LAT2: variants seen among roughly 807,000 people sequenced by gnomAD.
LAT2 encodes the protein linker for activation of T cells family member 2, also known as linker for activation of T-cells family member 2.
A neutral mutation model predicts 43.4 loss-of-function variants in LAT2; 23 were observed. That is an observed-to-expected ratio of 0.53 (90% CI 0.38 to 0.75). The LOEUF (loss-of-function observed/expected upper bound fraction) is 0.75. Among genes scored for constraint, LAT2 ranks in the 30% least tolerant of loss-of-function variants. The pLI, the probability that LAT2 is intolerant of heterozygous loss-of-function variation, is 0.00. For missense variants in LAT2, 284 were observed against 310.2 expected, an observed-to-expected ratio of 0.92 and a Z score of 0.64; for synonymous variants, 128 against 123.2, an observed-to-expected ratio of 1.04 and a Z score of -0.26.
At chr7:74,228,598 A>T (rs1347813418) in intron 13 of LAT2, among the ~76,000 whole-genome samples, 2 of 149,762 alleles carry the variant, frequency 1.3e-5, no homozygotes, top group African/African-American at 4.9e-5. Flanking sequence ...ATCCTGGCTA[A>T]CATGGTGAAA....
chr7:74,216,953 C>A, intron 4 of LAT2, 89 bp downstream of exon 4: 1 of 1,124,294 alleles, frequency 8.9e-7, no homozygotes, highest in South Asian at 1.3e-5. Context: ...CCATCCTTCA[C>A]CCCTTCACTC....
chr7:74,211,824 T>C (rs1801746476), intron 1 of LAT2, among the ~76,000 whole-genome samples: 1 of 151,810 alleles, frequency 6.6e-6, no homozygotes, highest in African/African-American at 2.4e-5. Context: ...ACTCCTGACC[T>C]CAGATGATTT....
At chr7:74,219,899 G>A in intron 5 of LAT2, 61 bp from the exon 6 acceptor site, 5 of 1,612,096 alleles carry the variant, frequency 3.1e-6, no homozygotes, top group Non-Finnish European at 4.2e-6. Flanking sequence ...GGGGGATGAT[G>A]GGGTGAGGGG....
intron 10 of LAT2, among the ~76,000 whole-genome samples, chr7:74,222,059 A>T (rs1185196726): frequency 6.7e-6 from 1 of 150,060 alleles, no homozygotes; most frequent in Non-Finnish European, 1.5e-5. Flanking sequence ...GCCACCAGAA[A>T]CCTGGTCGCT....
At chr7:74,223,553 C>T (rs182754535) in intron 10 of LAT2, among the ~76,000 whole-genome samples, 171 bp from the exon 11 acceptor site, 15 of 152,234 alleles carry the variant, frequency 9.9e-5, no homozygotes, top group South Asian at 6.2e-4. Context: ...ACCAGGCCAG[C>T]ACCCATTAGG....
chr7:74,222,452 C>T (rs1802324868), intron 10 of LAT2, among the ~76,000 whole-genome samples: 3 of 151,584 alleles, frequency 2.0e-5, no homozygotes, highest in Admixed American at 6.6e-5. Context: ...TCAGGGTGGG[C>T]AGTGCCTGCT....
At chr7:74,221,717 GT>G (rs1167353836) in intron 10 of LAT2, 25 bp downstream of exon 10, 1 of 1,604,224 alleles carries the variant, frequency 6.2e-7, no homozygotes, top group African/African-American at 1.3e-5. Context: ...AAAGCCGGAG[GT>G]GGAGGAAGTG....
At chr7:74,223,698 C>T (rs781854450) in intron 10 of LAT2, 26 bp from the exon 11 acceptor site, 39 of 1,610,410 alleles carry the variant, frequency 2.4e-5, no homozygotes, top group African/African-American at 1.1e-4. Flanking sequence ...CCCACACCCC[C>T]GTGCCCACTC....
intron 4 of LAT2, among the ~76,000 whole-genome samples, chr7:74,219,284 G>T (rs927273333): frequency 3.3e-5 from 5 of 152,076 alleles, no homozygotes; most frequent in African/African-American, 1.2e-4. Flanking sequence ...CAGCAGGTGG[G>T]AGGCAGCCTC....
Position 74,223,730 on chromosome 7 carries a change from A to G in LAT2, c.395A>G (p.Asp132Gly), listed in dbSNP as rs1204735044. 22 of 1,613,842 alleles carry G rather than the reference A, an allele frequency of 1.4e-5. No individual in the cohort carries two copies. Among genetic ancestry groups the G allele is most frequent in the East Asian group, 2.2e-5 (1 of 44,868 alleles). Residue 132 changes from aspartate (D) to glycine (G), a missense_variant, in exon 11 of 14, where the codon GAT becomes GGT. Physicochemically the swap from Asp to Gly is moderately conservative, Grantham distance 94. Coordinates refer to ENST00000460943, the MANE Select transcript of LAT2 (RefSeq NM_032464.3). ...ACTCCTCTCTCTCCTGCAGATGATG[A>G]TGCCAATTCCTACGAGAATGTGCTC... ...GRFSKPPEDD[D>G]ANSYENVLIC...
At chr7:74,224,888 C>G in intron 13 of LAT2, 128 bp downstream of exon 13, 1 of 658,382 alleles carries the variant, frequency 1.5e-6, no homozygotes, top group Non-Finnish European at 2.5e-6. Flanking sequence ...ACAGGGTGCA[C>G]CCATGGGTGC....
rs781968171 is a variant in LAT2, at chr7:74,220,755, C to T, written c.332+21C>T. On this transcript the variant is annotated intron_variant, in intron 9 of 13. Coordinates refer to ENST00000460943, the MANE Select transcript of LAT2 (RefSeq NM_032464.3). This position sits in a 1 kb window ranked among gnomAD's most constrained non-coding sequence, Gnocchi z 4.5. ...TACATGTGAGTGACCTTGATCCTGTCCCCCCTGCCTCGCCTCTCCCCCTGC... is the reference window on the plus strand; with the variant it reads ...TACATGTGAGTGACCTTGATCCTGTTCCCCCTGCCTCGCCTCTCCCCCTGC... 2.6e-6 allele frequency: 4 copies of T among 1,533,544 alleles called. No homozygotes were observed. The African/African-American group carries it at 5.5e-5, about 21-fold the overall frequency. 95.0% of individuals were successfully genotyped at this position (1,533,544 alleles called of 1,614,324 possible).
chr7:74,214,135 TATGA>T (rs1801855987), intron 1 of LAT2, among the ~76,000 whole-genome samples: 1 of 58,626 alleles, frequency 1.7e-5, no homozygotes, highest in Non-Finnish European at 3.2e-5. Context: ...TAAATATATA[TATGA>T]AAATATATAT....
At chr7:74,223,242 G>A (rs1056143604) in intron 10 of LAT2, among the ~76,000 whole-genome samples, 2 of 152,182 alleles carry the variant, frequency 1.3e-5, no homozygotes, top group African/African-American at 4.8e-5. Context: ...AGTGACTCAC[G>A]CCTGTAATCC....
Position 74,220,796 on chromosome 7 carries a change from G to GCCCTACCTCTCCCCCTT in LAT2, c.332+65_332+66insTACCTCTCCCCCTTCCC. On this transcript the variant is annotated intron_variant, in intron 9 of 13. Coordinates refer to ENST00000460943, the MANE Select transcript of LAT2 (RefSeq NM_032464.3). The surrounding 1 kb of genome is among the most constrained non-coding windows in gnomAD (Gnocchi z 4.5). ...CTCCCCCTGCCCCACCTCTCCCCCT[G>GCCCTACCTCTCCCCCTT]CCCCACCTCTCCCCCTGCCCCACCT... The GCCCTACCTCTCCCCCTT allele has an allele frequency of 1.5e-6, 2 of 1,301,626 alleles. No homozygotes were observed. The highest frequency in any genetic ancestry group is 2.0e-6 in the Non-Finnish European group (2 of 990,304). The allele number at this position is 1,301,626 out of a possible 1,614,324, so 80.6% of individuals were successfully genotyped here.
At position 74,220,657 on chromosome 7, in the gene LAT2, G is replaced by A. The variant is rs1563973327; in HGVS notation, c.301+38G>A. The A allele has an allele frequency of 6.2e-7, 1 of 1,613,878 alleles. No individual in the cohort carries two copies. Among genetic ancestry groups the A allele is most frequent in the Non-Finnish European group, 8.5e-7 (1 of 1,179,874 alleles). ...CTGGAGAAAGGGGGAGGCCATGGTG[G>A]GGGCCACACCCAGGGGCTCAGGCCC... On this transcript the variant is annotated intron_variant, in intron 8 of 13. Transcript: ENST00000460943. The surrounding 1 kb of genome is among the most constrained non-coding windows in gnomAD (Gnocchi z 4.5).
At chr7:74,224,445 G>A (rs1044609207) in intron 12 of LAT2, among the ~76,000 whole-genome samples, 194 bp from the exon 13 acceptor site, 1 of 152,216 alleles carries the variant, frequency 6.6e-6, no homozygotes, top group Non-Finnish European at 1.5e-5. Flanking sequence ...ATGGAGTAAC[G>A]CATTCACCTG....
chr7:74,220,144 A>C lies in LAT2; in HGVS notation c.228-73A>C. ...CAGCTATGAAGGCCCCACAAGGGGT[A>C]TGGGGGGATGTGTCCTGGGGGGCCT... On this transcript the variant is annotated intron_variant, in intron 6 of 13. Coordinates refer to ENST00000460943, the MANE Select transcript of LAT2 (RefSeq NM_032464.3). The surrounding 1 kb of genome is among the most constrained non-coding windows in gnomAD (Gnocchi z 4.5). The C allele has an allele frequency of 1.3e-6, 2 of 1,556,038 alleles. No homozygotes were observed. Among genetic ancestry groups the C allele is most frequent in the South Asian group, 2.3e-5 (2 of 85,278 alleles).
rs1554715068 is a variant in LAT2 at position 74,220,662 on chromosome 7, C to T, written c.302-42C>T. On this transcript the variant is annotated intron_variant, in intron 8 of 13. Transcript: ENST00000460943. This position sits in a 1 kb window ranked among gnomAD's most constrained non-coding sequence, Gnocchi z 4.5. ...GAAAGGGGGAGGCCATGGTGGGGGC[C>T]ACACCCAGGGGCTCAGGCCCAATTC... 1.2e-6 allele frequency: 2 copies of T among 1,613,780 alleles called. No individual in the cohort carries two copies. Among genetic ancestry groups the T allele is most frequent in the Admixed American group, 1.7e-5 (1 of 60,012 alleles).
Sources: gnomAD v4.1 joint callset for allele counts (sites outside exome capture counted in the v4.1 genomes callset) on GRCh38, gnomAD v4.1.1 for gene constraint, Gnocchi (gnomAD v3.1) non-coding constraint, MANE v1.5 for transcripts, NCBI Gene and HGNC (gene_info 2026-07-23, HGNC 2026-07-21) for gene names.